Variants in ABL2 observed in about 807,000 individuals in gnomAD.
ABL2 encodes the protein ABL proto-oncogene 2, non-receptor tyrosine kinase, also known as tyrosine-protein kinase ABL2.
ABL2 carries 49 observed loss-of-function variants against 107.7 expected under a neutral mutation model. The ratio of observed to expected loss-of-function variants is 0.45; its 90% CI spans 0.36 to 0.58. The LOEUF (loss-of-function observed/expected upper bound fraction) is 0.58. Among genes scored for constraint, ABL2 ranks in the 20% least tolerant of loss-of-function variants. The pLI is 0.00. For missense variants in ABL2, 1,245 were observed against 1,457.0 expected, an observed-to-expected ratio of 0.85 and a Z score of 2.37; for synonymous variants, 549 against 548.6, an observed-to-expected ratio of 1.00 and a Z score of -0.01.
intron 1 of ABL2, among the ~76,000 whole-genome samples, chr1:179,199,673 A>C (rs1008136568): frequency 6.6e-6 from 1 of 151,934 alleles, no homozygotes; most frequent in African/African-American, 2.4e-5. Context: ...AAACAATCAC[A>C]GTTAATACCA....
chr1:179,111,378 C>T (rs936768349), intron 10 of ABL2, among the ~76,000 whole-genome samples: 5 of 148,972 alleles, frequency 3.4e-5, no homozygotes, highest in African/African-American at 1.2e-4. Flanking sequence ...TTCCGTCTCC[C>T]GGGTTCAAGT....
chr1:179,145,867 A>G (rs906526894), intron 1 of ABL2, among the ~76,000 whole-genome samples: 1 of 151,422 alleles, frequency 6.6e-6, no homozygotes, highest in South Asian at 2.1e-4. Context: ...AACAGTTTTA[A>G]GCAGGATGGC....
At chr1:179,155,206 T>C (rs532869163) in intron 1 of ABL2, among the ~76,000 whole-genome samples, 2 of 152,324 alleles carry the variant, frequency 1.3e-5, no homozygotes, top group South Asian at 4.1e-4. Context: ...GGTGAAGACT[T>C]TGAAAACAGC....
intron 1 of ABL2, among the ~76,000 whole-genome samples, chr1:179,222,786 T>C (rs1662945052): frequency 6.6e-6 from 1 of 151,950 alleles, no homozygotes; most frequent in Non-Finnish European, 1.5e-5. Context: ...GAGGAATATA[T>C]TTAAAATACC....
chr1:179,108,099 G>A lies in ABL2; in HGVS notation c.3168C>T (p.Ala1056=). The A allele has an allele frequency of 6.2e-7, 1 of 1,614,216 alleles. No individual in the cohort carries two copies. The highest frequency in any genetic ancestry group is 8.5e-7 in the Non-Finnish European group (1 of 1,180,040). The change falls in exon 12 of 12, where the codon GCC becomes GCT. Residue 1056 remains alanine, a synonymous_variant. Transcript: ENST00000502732. ...TACCTGCTGTGCCATTGGCCATTTT[G>A]GCTGGCGAGATGGAAGATGTGGGCA... The part of the protein sequence containing the change: ...VPLPTSSISP[A]KMANGTAGTK...
At chr1:179,141,661 CT>C (rs1453683038) in intron 1 of ABL2, among the ~76,000 whole-genome samples, 1 of 152,180 alleles carries the variant, frequency 6.6e-6, no homozygotes, top group African/African-American at 2.4e-5. Context: ...GTTTTACGGT[CT>C]TTTTGGTTGA....
chr1:179,195,743 T>G (rs901888441), intron 1 of ABL2, among the ~76,000 whole-genome samples: 1 of 152,176 alleles, frequency 6.6e-6, no homozygotes, highest in Non-Finnish European at 1.5e-5. Context: ...ACAACACAGA[T>G]GTACCTTGAA....
At position 179,126,751 on chromosome 1, in the gene ABL2, T is replaced by C. The variant is rs1655757556; in HGVS notation, c.392-79A>G. 1.5e-6 allele frequency: 2 copies of C among 1,303,738 alleles called. No individual in the cohort carries two copies. Among genetic ancestry groups the C allele is most frequent in the African/African-American group, 1.5e-5 (1 of 66,828 alleles). 80.8% of individuals were successfully genotyped at this position (1,303,738 alleles called of 1,614,324 possible). A position where few individuals can be genotyped will look rare whatever the true frequency, so the allele number is the denominator to read the frequency against. On this transcript the variant is annotated intron_variant, in intron 3 of 11. Coordinates refer to ENST00000502732, the MANE Select transcript of ABL2 (RefSeq NM_007314.4). This position sits in a 1 kb window ranked among gnomAD's most constrained non-coding sequence, Gnocchi z 4.4. Reference sequence around the variant, plus strand: ...ACTGAAGCAGTGTACTGTCAAACTTTAAACTCATTAAAAAAAAAAAAGAAT... The same window carrying C: ...ACTGAAGCAGTGTACTGTCAAACTTCAAACTCATTAAAAAAAAAAAAGAAT...
intron 1 of ABL2, among the ~76,000 whole-genome samples, chr1:179,215,939 G>A (rs1039111272): frequency 3.9e-5 from 6 of 152,110 alleles, no homozygotes; most frequent in African/African-American, 1.4e-4. Context: ...TTAGCACACA[G>A]AGAGAAACAT....
At chr1:179,187,105 C>A (rs1021216733) in intron 1 of ABL2, among the ~76,000 whole-genome samples, 3 of 152,108 alleles carry the variant, frequency 2.0e-5, no homozygotes, top group Non-Finnish European at 4.4e-5. Context: ...CATGTCTAGT[C>A]TCTTTGTCTC....
intron 9 of ABL2, among the ~76,000 whole-genome samples, chr1:179,113,764 T>TA (rs1238415101): frequency 6.6e-6 from 1 of 150,930 alleles, no homozygotes; most frequent in African/African-American, 2.4e-5. Flanking sequence ...CCGTCTCTAC[T>TA]AAAAAATGCA....
At position 179,108,426 on chromosome 1, in the gene ABL2, C is replaced by CT. The variant is rs1329778717; in HGVS notation, c.2840dup (p.Leu948AlafsTer10). 1.2e-6 allele frequency: 2 copies of CT among 1,614,246 alleles called. No homozygotes were observed. Among genetic ancestry groups the CT allele is most frequent in the Non-Finnish European group, 1.7e-6 (2 of 1,180,052 alleles). ...TCCCCTGAGAGTCTGTGCCAATGAG[C>CT]TGCACGTCAGCTGGAGTGTGTTTCA... is the stretch of plus-strand genomic sequence containing the variant. On this transcript the variant is annotated frameshift_variant, in exon 12 of 12. Coordinates refer to ENST00000502732, the MANE Select transcript of ABL2 (RefSeq NM_007314.4). LOFTEE classifies it high-confidence loss of function.
rs1656510856 is a variant in ABL2 at position 179,133,188 on chromosome 1, T to G, written c.220+124A>C. 41 of 1,477,074 alleles carry G rather than the reference T, an allele frequency of 2.8e-5. 1 individual carries two copies. The South Asian group carries it at 4.6e-4, about 17-fold the overall frequency. 91.5% of individuals were successfully genotyped at this position (1,477,074 alleles called of 1,614,324 possible). A position where few individuals can be genotyped will look rare whatever the true frequency, so the allele number is the denominator to read the frequency against. On this transcript the variant is annotated intron_variant, in intron 2 of 11. Coordinates refer to ENST00000502732, the MANE Select transcript of ABL2 (RefSeq NM_007314.4). ...ACTTATTTTTAATATAAAAATAGTTTTATCATATATGAAAGGAAAAACCCT... is the reference window on the plus strand; with the variant it reads ...ACTTATTTTTAATATAAAAATAGTTGTATCATATATGAAAGGAAAAACCCT...
chr1:179,219,446 C>A (rs1356639492), intron 1 of ABL2, among the ~76,000 whole-genome samples: 1 of 152,144 alleles, frequency 6.6e-6, no homozygotes, highest in Non-Finnish European at 1.5e-5. Context: ...AAGGTTACAA[C>A]AAAGTCATTT....
In ABL2 at chr1:179,114,909, G is replaced by A. The variant is rs1174481829; in HGVS notation, c.1530C>T (p.Cys510=). The A allele has an allele frequency of 6.2e-7, 1 of 1,608,916 alleles. No individual in the cohort carries two copies. The highest frequency in any genetic ancestry group is 8.5e-7 in the Non-Finnish European group (1 of 1,178,016). The part of the protein sequence containing the change: ...KGYRMEQPEG[C]PPKVYELMRA... Reference sequence around the variant, plus strand: ...TCATAAGTTCATAAACCTTAGGGGGGCATCCCTCAGGCTGTTCCATTCGAT... The same window carrying A: ...TCATAAGTTCATAAACCTTAGGGGGACATCCCTCAGGCTGTTCCATTCGAT... Residue 510 remains cysteine (C), a synonymous_variant, in exon 9 of 12, where the codon TGC becomes TGT. Coordinates refer to ENST00000502732, the MANE Select transcript of ABL2 (RefSeq NM_007314.4).
chr1:179,166,821 T>A (rs566183249), intron 1 of ABL2, among the ~76,000 whole-genome samples: 1 of 146,510 alleles, frequency 6.8e-6, no homozygotes, highest in African/African-American at 2.5e-5. Context: ...TCACTAACCA[T>A]CAGGGAAATG....
chr1:179,172,930 T>C (rs1292901705), intron 1 of ABL2, among the ~76,000 whole-genome samples: 2 of 152,130 alleles, frequency 1.3e-5, no homozygotes, highest in Admixed American at 1.3e-4. Context: ...TGGCTCACGC[T>C]TGTAATCCCA....
Position 179,114,944 on chromosome 1 carries a change from C to G in ABL2, c.1495G>C (p.Glu499Gln). ...GGCTGTTCCATTCGATATCCTTTTT[C>G]TAGTAGGTCATAGACCTGAGACAGG... ...IDLSQVYDLL[E>Q]KGYRMEQPEG... Residue 499 changes from glutamate to glutamine, a missense_variant, in exon 9 of 12, where the codon GAA (glutamate) becomes CAA (glutamine). This residue lies in a region of ABL2 where 320 missense variants were observed against 547.0 expected (regional missense o/e 0.59). Transcript: ENST00000502732. 1 of 1,612,434 alleles carries G rather than the reference C, an allele frequency of 6.2e-7. No homozygotes were observed. Among genetic ancestry groups the G allele is most frequent in the Non-Finnish European group, 8.5e-7 (1 of 1,179,374 alleles).
Position 179,229,292 on chromosome 1 carries a change from C to G in ABL2, c.106G>C (p.Asp36His). The G allele has an allele frequency of 6.3e-7, 1 of 1,575,654 alleles. No individual in the cohort carries two copies. ...GTCTCTGTGGTGCGCCCCGCCGGGT[C>G]CCGCCTGCGGCCGGAGGGCCTGGCT... ...SAARPSGRRR[D>H]PAGRTTETGF... is the part of the protein sequence containing the mutation. The change falls in exon 1 of 12, where the codon GAC becomes CAC. Residue 36 changes from aspartate to histidine, a missense_variant. Transcript: ENST00000502732.
Sources: gnomAD v4.1 joint callset for allele counts (sites outside exome capture counted in the v4.1 genomes callset) on GRCh38, gnomAD v4.1.1 for gene constraint, gnomAD v4.1.1 regional missense constraint, Gnocchi (gnomAD v3.1) non-coding constraint, MANE v1.5 for transcripts, NCBI Gene and HGNC (gene_info 2026-07-23, HGNC 2026-07-21) for gene names.